FRS2: variants seen among roughly 807,000 people sequenced by gnomAD.
FRS2 encodes the protein FGFR signalling adaptor.
A neutral mutation model predicts 43.9 loss-of-function variants in FRS2; 8 were observed. The observed-to-expected ratio is 0.18, with a 90% CI of 0.11 to 0.33. The LOEUF is 0.33. Ranked by LOEUF, FRS2 falls within the 10% of genes least tolerant of loss-of-function variation. FRS2 has a pLI of 1.00. For synonymous variants in FRS2, 219 were observed against 220.3 expected, an observed-to-expected ratio of 0.99 and a Z score of 0.05; for missense variants, 534 against 627.6, an observed-to-expected ratio of 0.85 and a Z score of 1.59.
intron 1 of FRS2, among the ~76,000 whole-genome samples, chr12:69,489,490 T>A (rs1167094979): frequency 6.6e-6 from 1 of 152,096 alleles, no homozygotes; most frequent in Non-Finnish European, 1.5e-5. Context: ...GGCAACATGG[T>A]GAAATGCCGT....
chr12:69,552,302 C>CAAAAAAAAAA (rs35353764), intron 3 of FRS2, among the ~76,000 whole-genome samples: 1 of 51,360 alleles, frequency 1.9e-5, no homozygotes, highest in African/African-American at 8.5e-5. Context: ...AACTCCGTCT[C>CAAAAAAAAAA]AAAAAAAAAA....
intron 1 of FRS2, among the ~76,000 whole-genome samples, chr12:69,493,365 G>GT (rs1238357072): frequency 6.6e-6 from 1 of 152,162 alleles, no homozygotes; most frequent in African/African-American, 2.4e-5. Context: ...ATATGATGTG[G>GT]TTTTTAAAAT....
At chr12:69,481,945 A>G (rs1416690915) in intron 1 of FRS2, among the ~76,000 whole-genome samples, 1 of 146,232 alleles carries the variant, frequency 6.8e-6, no homozygotes, top group Non-Finnish European at 1.5e-5. Flanking sequence ...TATAGTTACT[A>G]TTTTTCCTTG....
intron 1 of FRS2, among the ~76,000 whole-genome samples, chr12:69,473,097 C>T (rs1018289154): frequency 2.9e-4 from 44 of 152,182 alleles, no homozygotes; most frequent in African/African-American, 9.7e-4. Context: ...GTGGAGATAG[C>T]TCAGAAGCTA....
chr12:69,485,103 A>ACACACACACACGCG, intron 1 of FRS2, among the ~76,000 whole-genome samples: 2 of 145,760 alleles, frequency 1.4e-5, no homozygotes, highest in East Asian at 2.0e-4. Context: ...ACACACACAC[A>ACACACACACACGCG]CACACACACA....
chr12:69,570,194 C>G (rs531783697), intron 5 of FRS2, 137 bp from the exon 6 acceptor site: 1 of 652,350 alleles, frequency 1.5e-6, no homozygotes, highest in South Asian at 1.8e-5. Context: ...CTGGGTGTTA[C>G]ACGGCTACGT....
intron 1 of FRS2, among the ~76,000 whole-genome samples, chr12:69,503,352 G>T (rs1381231761): frequency 6.6e-6 from 1 of 152,124 alleles, no homozygotes; most frequent in Non-Finnish European, 1.5e-5. Context: ...TTTGAGGTTA[G>T]TTCAGGATTA....
intron 3 of FRS2, among the ~76,000 whole-genome samples, chr12:69,550,270 A>C (rs1565766875): frequency 6.6e-6 from 1 of 152,222 alleles, no homozygotes; most frequent in Non-Finnish European, 1.5e-5. Context: ...CTAGCACTTA[A>C]GTATCACTCT....
At chr12:69,570,280 T>A in intron 5 of FRS2, 51 bp from the exon 6 acceptor site, 1 of 1,329,710 alleles carries the variant, frequency 7.5e-7, no homozygotes, top group South Asian at 1.2e-5. Flanking sequence ...ACAATGCATT[T>A]TCCTGACGAA....
intron 1 of FRS2, among the ~76,000 whole-genome samples, chr12:69,503,993 C>T (rs1249141535): frequency 6.6e-6 from 1 of 152,076 alleles, no homozygotes; most frequent in African/African-American, 2.4e-5. Context: ...CAGTTGAGGT[C>T]AGGAATTTGA....
At chr12:69,478,217 A>AT (rs921673550) in intron 1 of FRS2, among the ~76,000 whole-genome samples, 2 of 151,582 alleles carry the variant, frequency 1.3e-5, no homozygotes, top group African/African-American at 2.4e-5. Flanking sequence ...ATCCGTTAAA[A>AT]TTTTTTTTTC....
chr12:69,489,471 A>G (rs221092), intron 1 of FRS2, among the ~76,000 whole-genome samples: 14,243 of 152,176 alleles, frequency 0.094, 881 homozygotes, highest in Non-Finnish European at 0.14. Context: ...GGAGTTCAAG[A>G]CCAGCCTGGG....
intron 1 of FRS2, among the ~76,000 whole-genome samples, chr12:69,514,097 C>A (rs952003427): frequency 1.3e-5 from 2 of 151,698 alleles, no homozygotes; most frequent in Admixed American, 1.3e-4. Context: ...TAGATTTCGC[C>A]CCTGCATGAT....
chr12:69,478,015 A>G (rs1158192614), intron 1 of FRS2, among the ~76,000 whole-genome samples: 2 of 152,126 alleles, frequency 1.3e-5, no homozygotes, highest in African/African-American at 4.8e-5. Flanking sequence ...TGCTGGAATT[A>G]CAGGTGTGAG....
intron 1 of FRS2, among the ~76,000 whole-genome samples, chr12:69,476,753 C>CGGGGGGGGTG: frequency 1.2e-5 from 1 of 80,190 alleles, no homozygotes; most frequent in African/African-American, 4.7e-5. Flanking sequence ...GGGGGAGGGA[C>CGGGGGGGGTG]GGGGGGGGGT....
chr12:69,569,189 C>A, intron 5 of FRS2, 93 bp downstream of exon 5: 3 of 683,420 alleles, frequency 4.4e-6, no homozygotes, highest in Non-Finnish European at 7.7e-6. Context: ...GCTTTTATCA[C>A]CAAACCTTTC....
Position 69,574,358 on chromosome 12 carries a change from T to A in FRS2, c.930T>A (p.Asn310Lys). The A allele has an allele frequency of 6.2e-7, 1 of 1,613,916 alleles. No homozygotes were observed. Among genetic ancestry groups the A allele is most frequent in the Non-Finnish European group, 8.5e-7 (1 of 1,179,744 alleles). Reference sequence around the variant, plus strand: ...ACAAACTGGTGTATGAAAATATAAATGGGCTATCTATCCCTAGTGCCTCAG... The same window carrying A: ...ACAAACTGGTGTATGAAAATATAAAAGGGCTATCTATCCCTAGTGCCTCAG... ...SVNKLVYENINGLSIPSASGV... is the reference protein window; with the variant it reads ...SVNKLVYENIKGLSIPSASGV... The change falls in exon 9 of 9, where the codon AAT (asparagine) becomes AAA (lysine). Residue 310 changes from asparagine (N) to lysine (K), a missense_variant. Physicochemically the swap from Asn to Lys is moderately conservative, Grantham distance 94 (BLOSUM62 0). Coordinates refer to ENST00000549921, the MANE Select transcript of FRS2 (RefSeq NM_001278356.2).
intron 5 of FRS2, 29 bp from the exon 6 acceptor site, chr12:69,570,302 T>A: frequency 6.5e-7 from 1 of 1,532,582 alleles, no homozygotes; most frequent in Non-Finnish European, 9.0e-7. Context: ...TGGTGACATA[T>A]TTGCATGACT....
chr12:69,512,338 T>G (rs1017722884), intron 1 of FRS2, among the ~76,000 whole-genome samples: 9 of 152,220 alleles, frequency 5.9e-5, no homozygotes, highest in Admixed American at 6.5e-5. Context: ...CCTTTTTAGC[T>G]CTGCTTCTTC....
Sources: allele counts gnomAD v4.1 joint callset (sites outside exome capture counted in the v4.1 genomes callset), GRCh38; gene constraint gnomAD v4.1.1; transcripts MANE v1.5; gene names NCBI Gene and HGNC (gene_info 2026-07-23, HGNC 2026-07-21).